Variants in ZNF506 observed in about 807,000 individuals in gnomAD.
ZNF506 encodes the protein zinc finger protein 506.
Under a neutral mutation model 11.6 loss-of-function variants are expected in ZNF506, and 10 were observed. That is an observed-to-expected ratio of 0.86 (90% confidence interval 0.53 to 1.46). The LOEUF is 1.46. Among genes scored for constraint, ZNF506 ranks in the 40% most tolerant of loss-of-function variants. The pLI is 0.00. For synonymous variants in ZNF506, 156 were observed against 173.3 expected (o/e 0.90, Z 0.78); for missense variants, 425 against 521.2 (o/e 0.82, Z 1.80).
chr19:19,806,815 T>A, intron 2 of ZNF506, 127 bp downstream of exon 2: 2 of 1,199,162 alleles, frequency 1.7e-6, no homozygotes, highest in Non-Finnish European at 2.2e-6. Context: ...ATTCTGAAGA[T>A]TTTTCTGGAA....
At chr19:19,818,080 G>A (rs565289624) in intron 1 of ZNF506, among the ~76,000 whole-genome samples, 10 of 150,600 alleles carry the variant, frequency 6.6e-5, no homozygotes, top group African/African-American at 2.4e-4. Flanking sequence ...AACCCCCCTC[G>A]GCCTCCCAAA....
chr19:19,796,266 G>A (rs1237408097), intron 3 of ZNF506: 1 of 152,306 alleles, frequency 6.6e-6, no homozygotes, highest in Non-Finnish European at 1.5e-5. Context: ...AGGTAACAGA[G>A]TGAGACTCTG....
intron 1 of ZNF506, among the ~76,000 whole-genome samples, chr19:19,819,283 C>T (rs973530912): frequency 7.2e-5 from 11 of 151,924 alleles, no homozygotes; most frequent in Non-Finnish European, 1.2e-4. Context: ...CCCCTCAATA[C>T]CAGCATCTGA....
At chr19:19,812,331 A>C (rs998254833) in intron 1 of ZNF506, among the ~76,000 whole-genome samples, 1 of 152,226 alleles carries the variant, frequency 6.6e-6, no homozygotes, top group Admixed American at 6.5e-5. Context: ...GGCTGGAGAG[A>C]CTCAGGCTGA....
At position 19,795,669 on chromosome 19, in the gene ZNF506, A is replaced by C; in HGVS notation, c.227-9T>G. ...AAAATGAGAATACATAACTGAAAGA[A>C]ACAATAAAAACACATGACTTCAATT... On this transcript the variant is annotated splice_polypyrimidine_tract_variant and intron_variant, in intron 3 of 3. Coordinates refer to ENST00000540806, the MANE Select transcript of ZNF506 (RefSeq NM_001099269.3). 1 of 1,486,582 alleles carries C rather than the reference A, an allele frequency of 6.7e-7. No individual in the cohort carries two copies. Among genetic ancestry groups the C allele is most frequent in the Admixed American group, 2.5e-5 (1 of 40,352 alleles). The allele number at this position is 1,486,582 out of a possible 1,614,324, so 92.1% of individuals were successfully genotyped here. A position where few individuals can be genotyped will look rare whatever the true frequency, so the allele number is the denominator to read the frequency against.
chr19:19,799,491 C>A, intron 3 of ZNF506: 1 of 645,180 alleles, frequency 1.5e-6, no homozygotes, highest in Non-Finnish European at 2.7e-6. Flanking sequence ...TTTTTTTAAA[C>A]TAAAATTTCA....
chr19:19,797,849 T>C (rs1274151098), intron 3 of ZNF506: 2 of 152,166 alleles, frequency 1.3e-5, no homozygotes, highest in Non-Finnish European at 2.9e-5. Flanking sequence ...GATATTGTTA[T>C]TAAAGTTATA....
At position 19,806,984 on chromosome 19, in the gene ZNF506, T is replaced by C. The variant is rs2062840337; in HGVS notation, c.88A>G (p.Arg30Gly). ...CLDAAQRNLYRDVMLENYRNL... is the reference protein window; with the variant it reads ...CLDAAQRNLYGDVMLENYRNL... ...CTGTAGTTCTCTAACATCACATCCC[T>C]ATATAGATTCCGCTGTGCAGCGTCC... Residue 30 changes from arginine (R) to glycine (G), a missense_variant, in exon 2 of 4, where the codon AGG becomes GGG. This residue lies in a region of ZNF506 where 226 missense variants were observed against 279.1 expected (regional missense o/e 0.81). Transcript: ENST00000540806. 2.5e-6 allele frequency: 4 copies of C among 1,614,062 alleles called. No individual in the cohort carries two copies. The East Asian group carries it at 6.7e-5, about 27-fold the overall frequency.
At chr19:19,810,446 C>T (rs73528913) in intron 1 of ZNF506, among the ~76,000 whole-genome samples, 9,497 of 152,206 alleles carry the variant, frequency 0.062, 848 homozygotes, top group African/African-American at 0.2. Flanking sequence ...GAGCACTATG[C>T]TGGGTATTCT....
intron 3 of ZNF506, among the ~76,000 whole-genome samples, chr19:19,799,710 C>A (rs1282564520): frequency 1.3e-5 from 2 of 151,942 alleles, no homozygotes; most frequent in East Asian, 3.9e-4. Flanking sequence ...CAAAAACAAT[C>A]AAAAAGGAAA....
At chr19:19,806,859 A>G in intron 2 of ZNF506, 83 bp downstream of exon 2, 1 of 1,508,336 alleles carries the variant, frequency 6.6e-7, no homozygotes, top group Admixed American at 2.2e-5. Context: ...TGCAAAGAAT[A>G]AATTACTAAA....
rs200563787 is a variant in ZNF506 at position 19,818,071 on chromosome 19, AC to A, written c.3+3529del. ...TTGAACTCCTGACCTCAAGTGATCA[AC>A]CCCCCTCGGCCTCCCAAAGTGCTGG... On this transcript the variant is annotated intron_variant, in intron 1 of 3. Coordinates refer to ENST00000540806, the MANE Select transcript of ZNF506 (RefSeq NM_001099269.3). Among the ~76,000 whole-genome samples the A allele has an allele frequency of 1.0e-4, 15 of 148,330 alleles. No individual in the cohort carries two copies. The East Asian group carries it at 1.4e-3, about 14-fold the overall frequency.
intron 3 of ZNF506, among the ~76,000 whole-genome samples, chr19:19,802,062 G>A (rs1359906181): frequency 2.0e-5 from 3 of 151,668 alleles, no homozygotes; most frequent in Admixed American, 6.6e-5. Flanking sequence ...AAAATTAGCC[G>A]CGCATGGTGA....
chr19:19,812,145 T>A (rs1046584457), intron 1 of ZNF506, among the ~76,000 whole-genome samples: 3 of 152,202 alleles, frequency 2.0e-5, no homozygotes, highest in African/African-American at 7.2e-5. Context: ...ACATCTCTTG[T>A]ATGAGGGGAT....
intron 1 of ZNF506, among the ~76,000 whole-genome samples, chr19:19,811,222 C>T (rs931311424): frequency 6.6e-6 from 1 of 152,136 alleles, no homozygotes; most frequent in Non-Finnish European, 1.5e-5. Context: ...TGCACTGGTG[C>T]GATCTCGGCT....
At chr19:19,812,574 G>C (rs1426745186) in intron 1 of ZNF506, among the ~76,000 whole-genome samples, 1 of 152,186 alleles carries the variant, frequency 6.6e-6, no homozygotes, top group Non-Finnish European at 1.5e-5. Context: ...TGACCTCACT[G>C]TAGCAGGTCA....
chr19:19,820,842 C>G (rs972003303), intron 1 of ZNF506, among the ~76,000 whole-genome samples: 3 of 152,172 alleles, frequency 2.0e-5, no homozygotes, highest in African/African-American at 7.2e-5. Flanking sequence ...GGGTGCTCTA[C>G]AATTCTTGAA....
At chr19:19,808,843 C>CAAAAAAAAAAAAAAAAAAAA (rs35282430) in intron 1 of ZNF506, among the ~76,000 whole-genome samples, 1 of 82,722 alleles carries the variant, frequency 1.2e-5, no homozygotes, top group East Asian at 3.0e-4. Flanking sequence ...GACTCTGTCT[C>CAAAAAAAAAAAAAAAAAAAA]AAAAAAAAAA....
intron 1 of ZNF506, among the ~76,000 whole-genome samples, chr19:19,808,107 A>ATT (rs2062849835): frequency 3.6e-5 from 2 of 55,142 alleles, no homozygotes; most frequent in Non-Finnish European, 7.5e-5. Flanking sequence ...ATCATTAACC[A>ATT]CTTTTTTTTT....
Sources: gnomAD v4.1 joint callset for allele counts (sites outside exome capture counted in the v4.1 genomes callset) on GRCh38, gnomAD v4.1.1 for gene constraint, gnomAD v4.1.1 regional missense constraint, MANE v1.5 for transcripts, NCBI Gene and HGNC (gene_info 2026-07-23, HGNC 2026-07-21) for gene names.